Variants in WIPF2 observed in about 807,000 individuals in gnomAD.
WIPF2 encodes WAS/WASL-interacting protein family member 2.
In WIPF2, 23 loss-of-function variants were observed where a neutral mutation model predicts 38.8. That is an observed-to-expected ratio of 0.59 (90% confidence interval 0.43 to 0.84). The LOEUF (loss-of-function observed/expected upper bound fraction) is 0.84. Ranked by LOEUF, WIPF2 falls within the 40% of genes least tolerant of loss-of-function variation. The pLI is 0.00. For synonymous variants in WIPF2, 210 were observed against 223.2 expected (o/e 0.94, Z 0.53); for missense variants, 574 against 580.5 (o/e 0.99, Z 0.11).
intron 5 of WIPF2, among the ~76,000 whole-genome samples, chr17:40,268,558 G>C (rs1372912493): frequency 6.6e-6 from 1 of 151,890 alleles, no homozygotes; most frequent in Non-Finnish European, 1.5e-5. Context: ...TGGTAGCTAG[G>C]ACTACAGGAG....
At position 40,226,208 on chromosome 17, in the gene WIPF2, ATT is replaced by A. The variant is rs5820333; in HGVS notation, c.-70+6728_-70+6729del. Among the ~76,000 whole-genome samples the A allele has an allele frequency of 3.3e-3, 364 of 109,980 alleles. 2 individuals carry two copies. Among genetic ancestry groups the A allele is most frequent in the African/African-American group, 0.013 (341 of 27,124 alleles). 72.2% of individuals were successfully genotyped at this position (109,980 alleles called of 152,430 possible). On this transcript the variant is annotated intron_variant, in intron 1 of 7. Transcript: ENST00000323571. The stretch of plus-strand genomic sequence containing the variant: ...AGTTGGTAAAAAAAAAAAAAAAAAA[ATT>A]TTTTTTTTTTTGAGATGGAGTCTCG...
intron 1 of WIPF2, among the ~76,000 whole-genome samples, chr17:40,236,801 G>T (rs1567711809): frequency 6.6e-6 from 1 of 151,572 alleles, no homozygotes; most frequent in Non-Finnish European, 1.5e-5. Flanking sequence ...TAGAGACGGG[G>T]TTTTACCATC....
In WIPF2 at chr17:40,273,916, C is replaced by T. The variant is rs372163936; in HGVS notation, c.1097C>T (p.Thr366Met). The T allele has an allele frequency of 1.4e-4, 219 of 1,591,714 alleles. 1 individual carries two copies. Among genetic ancestry groups the T allele is most frequent in the Non-Finnish European group, 1.7e-4 (200 of 1,169,252 alleles). ...AAGCCCCCACCTCCACCCTCAAGGA[C>T]GCCAGCTGGGCCACCCCCTCCTCCT... The part of the protein sequence containing the change: ...RGKPPPPPSR[T>M]PAGPPPPPPP... Residue 366 changes from threonine (T) to methionine (M), a missense_variant, in exon 6 of 8, where the codon ACG becomes ATG. Physicochemically the swap from Thr to Met is moderately conservative, Grantham distance 81. Transcript: ENST00000323571.
chr17:40,236,626 T>C (rs1012323141), intron 1 of WIPF2, among the ~76,000 whole-genome samples: 1 of 147,928 alleles, frequency 6.8e-6, no homozygotes, highest in Non-Finnish European at 1.5e-5. Flanking sequence ...TTTTTTTTTT[T>C]AAGACGGAGT....
In WIPF2 at chr17:40,281,484, C is replaced by T. The variant is rs2032544590; in HGVS notation, c.*3259C>T. The stretch of plus-strand genomic sequence containing the variant: ...AGCCCCATCATTTTCACAGCGTAGG[C>T]CAACAGAGTGAGAACCTAGGGCTAC... On this transcript the variant is annotated 3_prime_UTR_variant, in exon 8 of 8. Coordinates refer to ENST00000323571, the MANE Select transcript of WIPF2 (RefSeq NM_133264.5). The T allele has an allele frequency of 6.6e-6, 1 of 152,142 alleles. No individual in the cohort carries two copies. The highest frequency in any genetic ancestry group is 1.5e-5 in the Non-Finnish European group (1 of 68,038). The allele number at this position is 152,142 out of a possible 1,614,324, so 9.4% of individuals were successfully genotyped here. A position where few individuals can be genotyped will look rare whatever the true frequency, so the allele number is the denominator to read the frequency against.
chr17:40,274,047 C>G, intron 6 of WIPF2, 48 bp downstream of exon 6: 1 of 1,449,340 alleles, frequency 6.9e-7, no homozygotes, highest in Non-Finnish European at 9.2e-7. Context: ...GGTGACTTCA[C>G]CCACTCCAGT....
At chr17:40,274,053 C>T (rs1490502403) in intron 6 of WIPF2, 54 bp downstream of exon 6, 19 of 1,417,710 alleles carry the variant, frequency 1.3e-5, no homozygotes, top group African/African-American at 2.9e-5. Context: ...TTCACCCACT[C>T]CAGTGCCATG....
Position 40,227,130 on chromosome 17 carries a change from C to T in WIPF2, c.-70+7638C>T, listed in dbSNP as rs1193230747. Among the ~76,000 whole-genome samples the T allele has an allele frequency of 3.3e-5, 5 of 152,202 alleles. No individual in the cohort carries two copies. In the East Asian group the frequency reaches 9.7e-4, roughly 29 times the overall value. On this transcript the variant is annotated intron_variant, in intron 1 of 7. Transcript: ENST00000323571. ...GATCTGGGCTCACTGCAAGCTCTGCCTCCCAGGCTCAAGCAATCTCCTGCC... is the reference window on the plus strand; with the variant it reads ...GATCTGGGCTCACTGCAAGCTCTGCTTCCCAGGCTCAAGCAATCTCCTGCC...
intron 1 of WIPF2, chr17:40,220,601 A>ATG (rs1173228567): frequency 2.6e-4 from 23 of 86,896 alleles, no homozygotes; most frequent in African/African-American, 8.2e-4. Context: ...ATATATATAT[A>ATG]TATATATATA....
chr17:40,246,354 G>C (rs750746751), intron 1 of WIPF2, among the ~76,000 whole-genome samples: 5 of 150,812 alleles, frequency 3.3e-5, no homozygotes, highest in Non-Finnish European at 7.4e-5. Context: ...CCAAAGTGCT[G>C]GGATTACAGG....
chr17:40,236,605 C>T (rs2030978604), intron 1 of WIPF2, among the ~76,000 whole-genome samples: 1 of 141,346 alleles, frequency 7.1e-6, no homozygotes, highest in Non-Finnish European at 1.5e-5. Flanking sequence ...CTCACTCAGC[C>T]TCTTTTTTTT....
chr17:40,264,964 A>C lies in WIPF2; in HGVS notation c.788A>C (p.Asn263Thr). ...PPYRQPPGVP[N>T]GPSSPTNESA... The stretch of plus-strand genomic sequence containing the variant: ...TACCGCCAGCCTCCTGGGGTCCCCA[A>C]TGGACCCTCTAGCCCCACTAATGAG... Residue 263 changes from asparagine (N) to threonine (T), a missense_variant, in exon 5 of 8, where the codon AAT becomes ACT. By Grantham distance (65) the Asn-to-Thr change is moderately conservative. Coordinates refer to ENST00000323571, the MANE Select transcript of WIPF2 (RefSeq NM_133264.5). The C allele has an allele frequency of 6.2e-7, 1 of 1,613,964 alleles. No individual in the cohort carries two copies. Among genetic ancestry groups the C allele is most frequent in the Non-Finnish European group, 8.5e-7 (1 of 1,179,944 alleles).
chr17:40,249,344 A>G (rs1292153898), intron 1 of WIPF2, among the ~76,000 whole-genome samples: 1 of 152,146 alleles, frequency 6.6e-6, no homozygotes, highest in Non-Finnish European at 1.5e-5. Flanking sequence ...GTGTCTTTGT[A>G]CTAAGGAAGT....
chr17:40,262,565 T>A lies in WIPF2; in HGVS notation c.237T>A (p.Ala79=). ...GSSGGYGSGG[A]ALQPKGGLFQ... is the part of the protein sequence containing the mutation. ...GTGGTGGCTATGGCTCTGGAGGAGC[T>A]GCCCTGCAGCCCAAGGGAGGTCTCT... Residue 79 remains alanine (A), a synonymous_variant, in exon 4 of 8, where the codon GCT becomes GCA. Transcript: ENST00000323571. The A allele has an allele frequency of 6.2e-7, 1 of 1,614,066 alleles. No homozygotes were observed. The highest frequency in any genetic ancestry group is 8.5e-7 in the Non-Finnish European group (1 of 1,179,940).
At chr17:40,221,103 A>AATTTTGAATT (rs1291916238) in intron 1 of WIPF2, among the ~76,000 whole-genome samples, 13 of 151,980 alleles carry the variant, frequency 8.6e-5, no homozygotes, top group Admixed American at 8.5e-4. Flanking sequence ...TTTTTAAAGG[A>AATTTTGAATT]CTTGAATAAT....
rs2032503111 is a variant in WIPF2, at chr17:40,279,716, T to G, written c.*1491T>G. The G allele has an allele frequency of 6.6e-6, 1 of 152,186 alleles. No homozygotes were observed. The highest frequency in any genetic ancestry group is 1.5e-5 in the Non-Finnish European group (1 of 68,002). The allele number at this position is 152,186 out of a possible 1,614,324, so 9.4% of individuals were successfully genotyped here. On this transcript the variant is annotated 3_prime_UTR_variant, in exon 8 of 8. Coordinates refer to ENST00000323571, the MANE Select transcript of WIPF2 (RefSeq NM_133264.5). ...TACAACTGTTGCTATGTGTAGAGGGTGCTCAGAGCGTGGCATGAGAGCAAG... is the reference window on the plus strand; with the variant it reads ...TACAACTGTTGCTATGTGTAGAGGGGGCTCAGAGCGTGGCATGAGAGCAAG...
At chr17:40,250,536 A>T (rs1171850476) in intron 1 of WIPF2, among the ~76,000 whole-genome samples, 1 of 151,342 alleles carries the variant, frequency 6.6e-6, no homozygotes, top group Non-Finnish European at 1.5e-5. Flanking sequence ...GGCGTGAGCC[A>T]CCACACCCGG....
chr17:40,271,316 G>A (rs1165840543), intron 5 of WIPF2, among the ~76,000 whole-genome samples: 1 of 152,150 alleles, frequency 6.6e-6, no homozygotes, highest in Non-Finnish European at 1.5e-5. Context: ...TGTCTGTTAA[G>A]CTGAGTAGTC....
chr17:40,254,761 TC>T (rs1171837343), intron 1 of WIPF2, among the ~76,000 whole-genome samples: 13 of 152,116 alleles, frequency 8.5e-5, no homozygotes, highest in African/African-American at 3.1e-4. Flanking sequence ...AGACAGAGTT[TC>T]GCTCTGTTGC....
Sources: gnomAD v4.1 joint callset for allele counts (sites outside exome capture counted in the v4.1 genomes callset) on GRCh38, gnomAD v4.1.1 for gene constraint, MANE v1.5 for transcripts, NCBI Gene and HGNC (gene_info 2026-07-23, HGNC 2026-07-21) for gene names.